The following ZFHX4 variants were observed in gnomAD, a reference collection of about 807,000 sequenced individuals.
ZFHX4 encodes the protein zinc finger homeobox protein 4.
Under a neutral mutation model 267.6 loss-of-function variants are expected in ZFHX4, and 56 were observed. The observed-to-expected ratio is 0.21, with a 90% CI of 0.17 to 0.26. ZFHX4 has a LOEUF of 0.26. ZFHX4 is among the 10% of genes least tolerant of loss of function. ZFHX4 has a pLI of 1.00. For missense variants in ZFHX4, 4,332 were observed against 4,420.0 expected (o/e 0.98, Z 0.56); for synonymous variants, 1,778 against 1,665.6 (o/e 1.07, Z -1.64).
At chr8:76,694,352 G>A (rs535363342) in intron 1 of ZFHX4, among the ~76,000 whole-genome samples, 111 of 152,196 alleles carry the variant, frequency 7.3e-4, no homozygotes, top group Admixed American at 2.0e-3. Context: ...TCCCTTCCCC[G>A]ACTAAAGTGA....
At chr8:76,820,446 AG>A (rs1811618975) in intron 4 of ZFHX4, among the ~76,000 whole-genome samples, 8 of 152,166 alleles carry the variant, frequency 5.3e-5, no homozygotes, top group Admixed American at 5.2e-4. Context: ...TGTTTATGGC[AG>A]TGTGACTTCA....
At chr8:76,764,251 A>T (rs1809995055) in intron 3 of ZFHX4, among the ~76,000 whole-genome samples, 1 of 152,218 alleles carries the variant, frequency 6.6e-6, no homozygotes. Flanking sequence ...ACTAATTGAG[A>T]TTACTTTGTC....
At chr8:76,849,882 C>A in intron 8 of ZFHX4, 170 bp downstream of exon 8, 1 of 711,752 alleles carries the variant, frequency 1.4e-6, no homozygotes, top group Non-Finnish European at 2.3e-6. Context: ...ACCTCTTTTG[C>A]TTGGAAAAAA....
rs868547753 is a variant in ZFHX4 at position 76,849,799 on chromosome 8, T to C, written c.3846+87T>C. 1.7e-4 allele frequency: 235 copies of C among 1,365,086 alleles called. 1 individual carries two copies. In the Middle Eastern group the frequency reaches 2.1e-3, roughly 12 times the overall value. 84.6% of individuals were successfully genotyped at this position (1,365,086 alleles called of 1,614,324 possible). On this transcript the variant is annotated intron_variant, in intron 8 of 10. Transcript: ENST00000651372. ...ATCTGTAATTATTGGTTTATGGAAA[T>C]GTATTTCTTCAGAGCTAATTAAAGC...
intron 5 of ZFHX4, among the ~76,000 whole-genome samples, chr8:76,837,922 T>C (rs1247442229): frequency 2.0e-5 from 3 of 152,180 alleles, no homozygotes; most frequent in African/African-American, 7.2e-5. Context: ...CTAGTAATAA[T>C]GCAGCTATGA....
Position 76,853,321 on chromosome 8 carries a change from A to G in ZFHX4, c.6400A>G (p.Thr2134Ala), listed in dbSNP as rs1361470778. ...LRHSQFKRPRTRITDDQLKIL... is the reference protein window; with the variant it reads ...LRHSQFKRPRARITDDQLKIL... The stretch of plus-strand genomic sequence containing the variant: ...ACATTCTCAGTTCAAACGCCCACGG[A>G]CAAGAATTACAGATGATCAGCTAAA... The change falls in exon 10 of 11, where the codon ACA (threonine) becomes GCA (alanine). Residue 2134 changes from threonine to alanine, a missense_variant. This residue lies in a region of ZFHX4 where 48 missense variants were observed against 95.4 expected (regional missense o/e 0.50). Coordinates refer to ENST00000651372, the MANE Select transcript of ZFHX4 (RefSeq NM_024721.5). The G allele has an allele frequency of 1.9e-6, 3 of 1,613,642 alleles. No homozygotes were observed. The highest frequency in any genetic ancestry group is 2.5e-6 in the Non-Finnish European group (3 of 1,179,726).
chr8:76,815,968 T>G (rs1048213073), intron 4 of ZFHX4, among the ~76,000 whole-genome samples: 4 of 152,230 alleles, frequency 2.6e-5, no homozygotes, highest in African/African-American at 9.6e-5. Context: ...TCCAGTCTTA[T>G]GAGGTCTTGT....
intron 3 of ZFHX4, among the ~76,000 whole-genome samples, chr8:76,732,848 A>G (rs1309283271): frequency 1.3e-5 from 2 of 152,272 alleles, no homozygotes; most frequent in East Asian, 1.9e-4. Context: ...TTTCAGAATA[A>G]GGGTGGGGGG....
intron 1 of ZFHX4, among the ~76,000 whole-genome samples, chr8:76,694,170 C>G (rs937031321): frequency 6.6e-6 from 1 of 152,174 alleles, no homozygotes; most frequent in African/African-American, 2.4e-5. Flanking sequence ...AACGATGTGA[C>G]TGGAACTTGG....
In ZFHX4 at chr8:76,853,301, C is replaced by T. The variant is rs760203605; in HGVS notation, c.6380C>T (p.Ser2127Phe). The T allele has an allele frequency of 1.9e-6, 3 of 1,611,648 alleles. No individual in the cohort carries two copies. Among genetic ancestry groups the T allele is most frequent in the African/African-American group, 1.3e-5 (1 of 75,006 alleles). Residue 2127 changes from serine (S) to phenylalanine (F), a missense_variant, in exon 10 of 11, where the codon TCT (serine) becomes TTT (phenylalanine). By Grantham distance (155) the Ser-to-Phe change is radical. Transcript: ENST00000651372. ...LGLDPNFLRH[S>F]QFKRPRTRIT... is the part of the protein sequence containing the mutation. ...TTAGATCCCAACTTCTTAAGACATT[C>T]TCAGTTCAAACGCCCACGGACAAGA...
At chr8:76,823,107 T>G (rs1191917028) in intron 4 of ZFHX4, among the ~76,000 whole-genome samples, 2 of 151,656 alleles carry the variant, frequency 1.3e-5, no homozygotes, top group Non-Finnish European at 2.9e-5. Flanking sequence ...TAATTTGAAG[T>G]GTGATGGATG....
chr8:76,854,357 T>A lies in ZFHX4; in HGVS notation c.7436T>A (p.Met2479Lys). 6.2e-7 allele frequency: 1 copy of A among 1,613,880 alleles called. No individual in the cohort carries two copies. The highest frequency in any genetic ancestry group is 8.5e-7 in the Non-Finnish European group (1 of 1,179,866). The change falls in exon 10 of 11, where the codon ATG becomes AAG. Residue 2479 changes from methionine (M) to lysine (K), a missense_variant. Around this residue, in one of 7 missense-constraint regions of ZFHX4, gnomAD observed 1,648 missense variants for 1,625.0 expected, o/e 1.01. Coordinates refer to ENST00000651372, the MANE Select transcript of ZFHX4 (RefSeq NM_024721.5). ...PVPSSPLQIS[M>K]TSLQNSLPPQ... is the part of the protein sequence containing the mutation. The stretch of plus-strand genomic sequence containing the variant: ...CCTTCCAGTCCACTGCAAATTTCCA[T>A]GACGTCTCTCCAGAACAGTCTACCT...
rs140816473 is a variant in ZFHX4 at position 76,863,797 on chromosome 8, C to T, written c.10083C>T (p.Asn3361=). ...AAAGTGACCAGCCGCAAAACTCCAA[C>T]GATGCTTCAGAAACAAAGGAAGACA... The part of the protein sequence containing the change: ...KVESDQPQNS[N]DASETKEDKS... Residue 3361 remains asparagine, a synonymous_variant, in exon 11 of 11, where the codon AAC becomes AAT. Coordinates refer to ENST00000651372, the MANE Select transcript of ZFHX4 (RefSeq NM_024721.5). The T allele has an allele frequency of 4.0e-4, 628 of 1,552,280 alleles. No homozygotes were observed. Among genetic ancestry groups the T allele is most frequent in the Non-Finnish European group, 5.3e-4 (613 of 1,147,258 alleles).
intron 3 of ZFHX4, among the ~76,000 whole-genome samples, chr8:76,777,994 G>A (rs571056107): frequency 1.1e-3 from 171 of 151,654 alleles, no homozygotes; most frequent in African/African-American, 2.2e-3. Flanking sequence ...TAAAGCTGGC[G>A]TGCTGCTTTC....
chr8:76,785,031 T>G (rs1810651203), intron 4 of ZFHX4, among the ~76,000 whole-genome samples: 1 of 152,090 alleles, frequency 6.6e-6, no homozygotes, highest in African/African-American at 2.4e-5. Context: ...GTACTACCTT[T>G]TAATTGAGGA....
chr8:76,846,363 T>C (rs1233102622), intron 6 of ZFHX4, among the ~76,000 whole-genome samples: 2 of 152,078 alleles, frequency 1.3e-5, no homozygotes, highest in East Asian at 3.9e-4. Context: ...CTAGCTTTTA[T>C]TTATAACTTC....
intron 10 of ZFHX4, among the ~76,000 whole-genome samples, chr8:76,862,494 CT>C (rs1459550211): frequency 2.3e-4 from 35 of 152,356 alleles, no homozygotes; most frequent in African/African-American, 8.4e-4. Flanking sequence ...ATGGCTCTGA[CT>C]TCGCTGCTGT....
At chr8:76,708,270 A>C (rs1335273612) in intron 3 of ZFHX4, 1 of 574,578 alleles carries the variant, frequency 1.7e-6, no homozygotes, top group Non-Finnish European at 3.0e-6. Context: ...CACCTGTCTC[A>C]GTGGCATTTA....
chr8:76,786,967 T>C (rs1373368650), intron 4 of ZFHX4, among the ~76,000 whole-genome samples: 1 of 152,206 alleles, frequency 6.6e-6, no homozygotes, highest in East Asian at 1.9e-4. Flanking sequence ...GACCAACATA[T>C]TTATTTTGCC....
Sources: allele counts gnomAD v4.1 joint callset (sites outside exome capture counted in the v4.1 genomes callset), GRCh38; gene constraint gnomAD v4.1.1; regional missense constraint gnomAD v4.1.1; transcripts MANE v1.5; gene names NCBI Gene and HGNC (gene_info 2026-07-23, HGNC 2026-07-21).